GSDMC: variants seen among roughly 807,000 people sequenced by gnomAD.
The protein encoded by GSDMC is gasdermin-C.
In GSDMC, 59 loss-of-function variants were observed where a neutral mutation model predicts 58.0. That is an observed-to-expected ratio of 1.02 (90% CI 0.82 to 1.26). The LOEUF (loss-of-function observed/expected upper bound fraction) is 1.26, where lower values mean the gene tolerates loss of function less well. GSDMC is among the 50% of genes most tolerant of loss of function. The probability of loss-of-function intolerance (pLI) is 0.00; values close to 1 mark genes in which losing one functional copy is unlikely to be tolerated. For missense variants in GSDMC, 659 were observed against 598.5 expected, an observed-to-expected ratio of 1.10 and a Z score of -1.06; for synonymous variants, 241 against 220.2, an observed-to-expected ratio of 1.09 and a Z score of -0.83.
the GSDMC span, among the ~76,000 whole-genome samples, chr8:129,736,319 TG>T: frequency 1.3e-5 from 2 of 152,170 alleles, no homozygotes; most frequent in Non-Finnish European, 2.9e-5. Flanking sequence ...TACCAAAGCC[TG>T]GCACAGATGC....
the GSDMC span, among the ~76,000 whole-genome samples, chr8:129,712,191 T>C: frequency 6.6e-6 from 1 of 152,338 alleles, no homozygotes; most frequent in Non-Finnish European, 1.5e-5. Flanking sequence ...CATAGCAAAG[T>C]GTCTAACATG....
In GSDMC at chr8:129,781,549, CCTGG is replaced by C. The variant is rs531362362; in HGVS notation, c.-4-3962_-4-3959del. ...CACGAGGTCAGGAGATCGAGACCGT[CCTGG>C]CTAACACGGTGAAACCCTGTCTCTA... On this transcript the variant is annotated intron_variant, in intron 1 of 13. Coordinates refer to ENST00000276708, the MANE Select transcript of GSDMC (RefSeq NM_031415.3). Among the ~76,000 whole-genome samples, 319 of 152,204 alleles carry C rather than the reference CCTGG, an allele frequency of 2.1e-3. 2 individuals carry two copies. The highest frequency in any genetic ancestry group is 7.4e-3 in the African/African-American group (306 of 41,532).
the GSDMC span, among the ~76,000 whole-genome samples, chr8:129,716,924 G>A: frequency 1.3e-5 from 2 of 152,192 alleles, no homozygotes; most frequent in South Asian, 2.1e-4. Flanking sequence ...TACATTTATT[G>A]ATTTGCATAT....
At chr8:129,753,005 A>G in intron 6 of GSDMC, 185 bp from the exon 7 acceptor site, 3 of 1,133,060 alleles carry the variant, frequency 2.6e-6, no homozygotes, top group Non-Finnish European at 3.6e-6. Flanking sequence ...TTTCTTGGCA[A>G]GCCTTGCAAA....
intron 6 of GSDMC, among the ~76,000 whole-genome samples, chr8:129,759,726 G>A (rs1387388868): frequency 6.6e-6 from 1 of 152,156 alleles, no homozygotes; most frequent in Non-Finnish European, 1.5e-5. Context: ...TGCTGGGGAG[G>A]ATGCAGAGAA....
intron 12 of GSDMC, 30 bp from the exon 13 acceptor site, chr8:129,749,555 A>T: frequency 6.4e-7 from 1 of 1,553,976 alleles, no homozygotes; most frequent in African/African-American, 1.4e-5. Flanking sequence ...GGGGAAAGAC[A>T]GTAGTGAAGA....
the GSDMC span, among the ~76,000 whole-genome samples, chr8:129,727,520 A>G: frequency 6.6e-6 from 1 of 152,218 alleles, no homozygotes; most frequent in Non-Finnish European, 1.5e-5. Flanking sequence ...TGGGGATCCG[A>G]GAAAGACAGG....
At position 129,750,466 on chromosome 8, in the gene GSDMC, T is replaced by C; in HGVS notation, c.1048A>G (p.Arg350Gly). ...VMFYSILAML[R>G]DRGALQDLMN... ...AGGTCCTGTAGAGCCCCTCTGTCTC[T>C]GAGCATGGCCAGGATACTGTAGAAC... is the stretch of plus-strand genomic sequence containing the variant. The change falls in exon 11 of 14, where the codon AGA (arginine) becomes GGA (glycine). Residue 350 changes from arginine (R) to glycine (G), a missense_variant. Transcript: ENST00000276708. The C allele has an allele frequency of 6.2e-7, 1 of 1,614,106 alleles. No individual in the cohort carries two copies. The highest frequency in any genetic ancestry group is 8.5e-7 in the Non-Finnish European group (1 of 1,179,926).
chr8:129,735,148 T>C, the GSDMC span, among the ~76,000 whole-genome samples: 1 of 152,172 alleles, frequency 6.6e-6, no homozygotes, highest in Non-Finnish European at 1.5e-5. Flanking sequence ...GCACCCAGAT[T>C]CATAAAGCAA....
the GSDMC span, among the ~76,000 whole-genome samples, chr8:129,742,273 C>A: frequency 6.6e-6 from 1 of 151,722 alleles, no homozygotes; most frequent in Non-Finnish European, 1.5e-5. Context: ...TTGCAAATGC[C>A]CCATCACAAA....
intron 4 of GSDMC, among the ~76,000 whole-genome samples, chr8:129,762,963 T>C (rs1206334101): frequency 6.6e-6 from 1 of 152,210 alleles, no homozygotes; most frequent in Non-Finnish European, 1.5e-5. Context: ...CAGATTTAAC[T>C]ATTTATTCTC....
downstream of GSDMC, among the ~76,000 whole-genome samples, chr8:129,744,102 A>T (rs964376605): frequency 1.3e-5 from 2 of 151,474 alleles, no homozygotes; most frequent in African/African-American, 4.9e-5. Context: ...GGCCTCCTCA[A>T]CCTCCTATCT....
rs771500874 is a variant in GSDMC at position 129,750,100 on chromosome 8, C to T, written c.1103G>A (p.Gly368Asp). Residue 368 changes from glycine to aspartate, a missense_variant, in exon 12 of 14, where the codon GGT (glycine) becomes GAT (aspartate). Gly to Asp is a moderately conservative substitution (Grantham distance 94). Transcript: ENST00000276708. ...LMNMLELDSSGHLDGPGGAIL... is the reference protein window; with the variant it reads ...LMNMLELDSSDHLDGPGGAIL... ...GGCACCACCAGGGCCATCCAAATGA[C>T]CTGAGCTGTCCAATTCCAGCTATAG... is the stretch of plus-strand genomic sequence containing the variant. 58 of 1,577,562 alleles carry T rather than the reference C, an allele frequency of 3.7e-5. No individual in the cohort carries two copies. Among genetic ancestry groups the T allele is most frequent in the Non-Finnish European group, 4.6e-5 (54 of 1,167,672 alleles).
chr8:129,780,227 A>G (rs1274863103), intron 1 of GSDMC, among the ~76,000 whole-genome samples: 1 of 152,196 alleles, frequency 6.6e-6, no homozygotes, highest in Non-Finnish European at 1.5e-5. Flanking sequence ...TAGAAAGTTT[A>G]TGCAAAGGGA....
chr8:129,707,477 C>T, the GSDMC span, among the ~76,000 whole-genome samples: 17 of 152,006 alleles, frequency 1.1e-4, no homozygotes, highest in African/African-American at 3.9e-4. Flanking sequence ...ATGTAAGTAC[C>T]ATTAATTTTA....
chr8:129,731,790 A>C, the GSDMC span, among the ~76,000 whole-genome samples: 1 of 152,214 alleles, frequency 6.6e-6, no homozygotes, highest in Admixed American at 6.5e-5. Context: ...TTATAACTGG[A>C]AAGTCAGAGC....
At chr8:129,723,769 G>T in the GSDMC span, among the ~76,000 whole-genome samples, 2 of 152,136 alleles carry the variant, frequency 1.3e-5, no homozygotes, top group African/African-American at 2.4e-5. Flanking sequence ...CAAGTGATTG[G>T]ATTGCACCCC....
At chr8:129,711,231 T>C in the GSDMC span, among the ~76,000 whole-genome samples, 1 of 152,212 alleles carries the variant, frequency 6.6e-6, no homozygotes, top group Non-Finnish European at 1.5e-5. Context: ...TCATGCCACC[T>C]TACAAATGAG....
At chr8:129,735,196 CAAT>C in the GSDMC span, among the ~76,000 whole-genome samples, 1 of 152,152 alleles carries the variant, frequency 6.6e-6, no homozygotes, top group Non-Finnish European at 1.5e-5. Context: ...GATTCCCACA[CAAT>C]AATAATGGGA....
Sources: gnomAD v4.1 joint callset for allele counts (sites outside exome capture counted in the v4.1 genomes callset) on GRCh38, gnomAD v4.1.1 for gene constraint, MANE v1.5 for transcripts, NCBI Gene and HGNC (gene_info 2026-07-23, HGNC 2026-07-21) for gene names.